Variants in AKAP19 observed in about 807,000 individuals in gnomAD.
AKAP19 encodes small A-kinase anchoring protein.
chr2:190,129,627 C>T, the AKAP19 span, among the ~76,000 whole-genome samples: 1,794 of 151,714 alleles, frequency 0.012, 32 homozygotes, highest in African/African-American at 0.04. Flanking sequence ...ATGTTGTTCT[C>T]GGTGGGTTGC....
chr2:189,900,124 T>A, the AKAP19 span, among the ~76,000 whole-genome samples: 1 of 152,366 alleles, frequency 6.6e-6, no homozygotes, highest in East Asian at 1.9e-4. Context: ...TTTCATTATA[T>A]GAATTTGCTA....
At chr2:190,073,515 T>G in the AKAP19 span, among the ~76,000 whole-genome samples, 189 of 152,116 alleles carry the variant, frequency 1.2e-3, no homozygotes, top group Non-Finnish European at 1.8e-3. Flanking sequence ...ATCAAAATAT[T>G]AATACTCTAA....
the AKAP19 span, among the ~76,000 whole-genome samples, chr2:189,961,706 T>A: frequency 6.6e-6 from 1 of 150,684 alleles, no homozygotes; most frequent in Non-Finnish European, 1.5e-5. Flanking sequence ...AGGTAAGGAG[T>A]TCAAGACCAG....
the AKAP19 span, among the ~76,000 whole-genome samples, chr2:190,021,766 G>A: frequency 9.2e-5 from 14 of 152,164 alleles, no homozygotes; most frequent in African/African-American, 3.4e-4. Context: ...ATAATCTGAG[G>A]CTCTCTTTGC....
the AKAP19 span, among the ~76,000 whole-genome samples, chr2:190,002,707 C>T: frequency 6.6e-6 from 1 of 152,056 alleles, no homozygotes; most frequent in Non-Finnish European, 1.5e-5. Flanking sequence ...CCATGAATAC[C>T]TAATGTTTAC....
chr2:189,991,987 G>A, the AKAP19 span, among the ~76,000 whole-genome samples: 1 of 151,238 alleles, frequency 6.6e-6, no homozygotes, highest in Non-Finnish European at 1.5e-5. Context: ...TATTTGCTTT[G>A]TTGAAGATCA....
the AKAP19 span, among the ~76,000 whole-genome samples, chr2:190,074,715 G>A: frequency 2.0e-5 from 3 of 151,874 alleles, no homozygotes; most frequent in African/African-American, 2.4e-5. Flanking sequence ...AACTACAGAA[G>A]AGATAAAAGT....
At chr2:189,895,142 A>G in the AKAP19 span, among the ~76,000 whole-genome samples, 3 of 152,128 alleles carry the variant, frequency 2.0e-5, no homozygotes, top group Non-Finnish European at 4.4e-5. Flanking sequence ...ATAAAAGAAA[A>G]TATTAAAATG....
At chr2:189,990,372 A>G in the AKAP19 span, among the ~76,000 whole-genome samples, 1 of 152,078 alleles carries the variant, frequency 6.6e-6, no homozygotes, top group African/African-American at 2.4e-5. Context: ...TTTATGATAC[A>G]TCTACTGAGA....
At chr2:190,130,872 C>A in the AKAP19 span, among the ~76,000 whole-genome samples, 2 of 152,122 alleles carry the variant, frequency 1.3e-5, no homozygotes, top group African/African-American at 4.8e-5. Flanking sequence ...TACCCCTACC[C>A]TACACTGGCT....
At chr2:190,094,877 A>G in the AKAP19 span, among the ~76,000 whole-genome samples, 3 of 152,250 alleles carry the variant, frequency 2.0e-5, no homozygotes, top group African/African-American at 7.2e-5. Context: ...ATGGATCATT[A>G]CAATTCTGCT....
chr2:189,944,758 T>C, the AKAP19 span, among the ~76,000 whole-genome samples: 1 of 152,192 alleles, frequency 6.6e-6, no homozygotes, highest in African/African-American at 2.4e-5. Context: ...AACTGACCTT[T>C]ACAGGACATT....
At chr2:190,118,192 C>A in the AKAP19 span, among the ~76,000 whole-genome samples, 1 of 152,072 alleles carries the variant, frequency 6.6e-6, no homozygotes. Flanking sequence ...CTTACTAGAC[C>A]AATAACAGGC....
At chr2:189,962,298 T>C in the AKAP19 span, among the ~76,000 whole-genome samples, 18 of 152,294 alleles carry the variant, frequency 1.2e-4, no homozygotes, top group East Asian at 3.3e-3. Context: ...GCTTATACCA[T>C]CTAGGTTTGC....
At chr2:190,192,166 G>A in the AKAP19 span, among the ~76,000 whole-genome samples, 4 of 152,112 alleles carry the variant, frequency 2.6e-5, no homozygotes, top group African/African-American at 9.6e-5. Flanking sequence ...TGGGGGGAGA[G>A]TATGTGAATG....
the AKAP19 span, among the ~76,000 whole-genome samples, chr2:190,073,789 C>T: frequency 3.3e-5 from 5 of 151,388 alleles, no homozygotes; most frequent in Admixed American, 6.6e-5. Flanking sequence ...CGGTGGCTCA[C>T]GCCTGTAATC....
chr2:189,930,563 C>A, the AKAP19 span: 1 of 231,318 alleles, frequency 4.3e-6, no homozygotes, highest in African/African-American at 2.3e-5. Flanking sequence ...GTAGTCCCAG[C>A]TACTCCGGAG....
At chr2:190,122,649 C>T in the AKAP19 span, among the ~76,000 whole-genome samples, 2 of 152,154 alleles carry the variant, frequency 1.3e-5, no homozygotes, top group Admixed American at 1.3e-4. Context: ...CACAATAGTG[C>T]TTGGCTTTTT....
the AKAP19 span, among the ~76,000 whole-genome samples, chr2:189,930,111 T>C: frequency 3.8e-4 from 58 of 152,310 alleles, no homozygotes; most frequent in Admixed American, 1.1e-3. Flanking sequence ...TGAAATATCA[T>C]GTACTTTCCC....
Sources: gnomAD v4.1 joint callset for allele counts (sites outside exome capture counted in the v4.1 genomes callset) on GRCh38, gnomAD v4.1.1 for gene constraint, MANE v1.5 for transcripts, NCBI Gene and HGNC (gene_info 2026-07-23, HGNC 2026-07-21) for gene names.